Variants in TAFA2 observed in about 807,000 individuals in gnomAD.
The protein encoded by TAFA2 is TAFA chemokine like family member 2.
Under a neutral mutation model 18.8 loss-of-function variants are expected in TAFA2, and 7 were observed. The observed-to-expected ratio is 0.37, with a 90% CI of 0.21 to 0.70. TAFA2 has a LOEUF of 0.70. Among genes scored for constraint, TAFA2 ranks in the 30% least tolerant of loss-of-function variants. TAFA2 has a pLI of 0.53. For missense variants in TAFA2, 122 were observed against 158.1 expected, an observed-to-expected ratio of 0.77 and a Z score of 1.23; for synonymous variants, 60 against 54.2, an observed-to-expected ratio of 1.11 and a Z score of -0.47.
chr12:62,021,825 A>G, intron 1 of TAFA2: 1 of 830,306 alleles, frequency 1.2e-6, no homozygotes, highest in Non-Finnish European at 2.1e-6. Flanking sequence ...TCCGCTGTGG[A>G]TCATCAGGCC....
chr12:62,017,983 G>C (rs2136723978), intron 1 of TAFA2, among the ~76,000 whole-genome samples: 1 of 152,256 alleles, frequency 6.6e-6, no homozygotes, highest in African/African-American at 2.4e-5. Flanking sequence ...TTCCTAGTGA[G>C]ATTTCCCAAG....
At position 61,897,419 on chromosome 12, in the gene TAFA2, G is replaced by C. The variant is rs1358693637; in HGVS notation, c.-1-29993C>G. On this transcript the variant is annotated intron_variant, in intron 1 of 4. Transcript: ENST00000416284. ...CTGCTATAAAGAACTGCCCAAGACT[G>C]AGTAATTTATAAAAAAAAAGAAGTT... Among the ~76,000 whole-genome samples the C allele has an allele frequency of 3.3e-5, 5 of 151,990 alleles. No individual in the cohort carries two copies. The East Asian group carries it at 7.7e-4, about 23-fold the overall frequency.
chr12:61,846,695 T>C (rs912539878), intron 2 of TAFA2, among the ~76,000 whole-genome samples: 8 of 152,216 alleles, frequency 5.3e-5, no homozygotes, highest in Non-Finnish European at 1.2e-4. Flanking sequence ...AACTTAATTC[T>C]TGATTAAACT....
In TAFA2 at chr12:61,753,636, C is replaced by T. The variant is rs1869123502; in HGVS notation, c.370G>A (p.Val124Ile). Reference protein sequence around the residue: ...KGWSCSSGNKVKTTRVTH With the variant: ...KGWSCSSGNKIKTTRVTH ...TGTCCACTTACCCTAGTTGTTTTGA[C>T]TTTATTCCCAGAGGAACAGCTCCAT... Residue 124 changes from valine to isoleucine, a missense_variant, in exon 4 of 5, where the codon GTC becomes ATC. This residue lies in a region of TAFA2 where 60 missense variants were observed against 102.7 expected (regional missense o/e 0.58). Coordinates refer to ENST00000416284, the MANE Select transcript of TAFA2 (RefSeq NM_178539.5). 2 of 1,612,138 alleles carry T rather than the reference C, an allele frequency of 1.2e-6. No individual in the cohort carries two copies. Among genetic ancestry groups the T allele is most frequent in the Non-Finnish European group, 1.7e-6 (2 of 1,178,826 alleles).
chr12:61,823,793 G>A (rs1872420563), intron 2 of TAFA2, among the ~76,000 whole-genome samples: 1 of 152,168 alleles, frequency 6.6e-6, no homozygotes, highest in South Asian at 2.1e-4. Flanking sequence ...GGAGGAGAGT[G>A]CCCATAGAAT....
chr12:61,783,928 A>G (rs1243736434), intron 2 of TAFA2, among the ~76,000 whole-genome samples: 3 of 151,580 alleles, frequency 2.0e-5, no homozygotes, highest in African/African-American at 4.8e-5. Context: ...AGAGAAACAC[A>G]TTGATATTTT....
At chr12:61,859,337 G>C (rs1874020093) in intron 2 of TAFA2, among the ~76,000 whole-genome samples, 1 of 152,192 alleles carries the variant, frequency 6.6e-6, no homozygotes, top group South Asian at 2.1e-4. Context: ...ACTTCCATCT[G>C]CTCCCACCAT....
At chr12:61,887,605 C>T (rs577089072) in intron 1 of TAFA2, among the ~76,000 whole-genome samples, 2 of 123,810 alleles carry the variant, frequency 1.6e-5, no homozygotes, top group African/African-American at 6.2e-5. Context: ...CCACAACAGT[C>T]CCCAGAGTGT....
chr12:62,195,366 C>T (rs1269351012), upstream of TAFA2, among the ~76,000 whole-genome samples: 1 of 152,212 alleles, frequency 6.6e-6, no homozygotes, highest in African/African-American at 2.4e-5. Flanking sequence ...TCCACAGAAG[C>T]AACTCTTCTA....
In TAFA2 at chr12:61,763,891, T is replaced by C. The variant is rs531448711; in HGVS notation, c.107-8867A>G. Among the ~76,000 whole-genome samples, 5 of 152,078 alleles carry C rather than the reference T, an allele frequency of 3.3e-5. No individual in the cohort carries two copies. The South Asian group carries it at 1.0e-3, about 32-fold the overall frequency. ...TTTTTTCTGAATTCCTGAAAACATT[T>C]TCCAGAATATGTTTCAATTGGCCCC... is the stretch of plus-strand genomic sequence containing the variant. On this transcript the variant is annotated intron_variant, in intron 2 of 4. Coordinates refer to ENST00000416284, the MANE Select transcript of TAFA2 (RefSeq NM_178539.5).
intron 1 of TAFA2, among the ~76,000 whole-genome samples, chr12:62,087,047 T>C (rs1055062238): frequency 3.9e-5 from 6 of 152,076 alleles, no homozygotes; most frequent in African/African-American, 1.2e-4. Context: ...AAATGACAAA[T>C]ACCGTATGAT....
intron 1 of TAFA2, among the ~76,000 whole-genome samples, chr12:62,037,560 A>G (rs1230692728): frequency 5.3e-5 from 8 of 152,188 alleles, no homozygotes; most frequent in Non-Finnish European, 4.4e-5. Flanking sequence ...GTAGGCATCA[A>G]AATTATCTGC....
chr12:61,876,534 AC>A (rs1874853702), intron 1 of TAFA2, among the ~76,000 whole-genome samples: 1 of 152,266 alleles, frequency 6.6e-6, no homozygotes, highest in East Asian at 1.9e-4. Context: ...TAACCAGCAA[AC>A]CATTAAAACA....
intron 2 of TAFA2, among the ~76,000 whole-genome samples, chr12:61,852,193 C>T (rs11174200): frequency 2.2e-5 from 3 of 138,922 alleles, no homozygotes; most frequent in East Asian, 2.1e-4. Flanking sequence ...GCAACAAGAG[C>T]GAAACTTCGT....
intron 4 of TAFA2, among the ~76,000 whole-genome samples, chr12:61,727,652 A>G: frequency 6.6e-6 from 1 of 151,740 alleles, no homozygotes; most frequent in Non-Finnish European, 1.5e-5. Flanking sequence ...AATTTTGTTT[A>G]TCTTTTCAAA....
chr12:61,848,036 T>C (rs1402820101), intron 2 of TAFA2, among the ~76,000 whole-genome samples: 2 of 152,242 alleles, frequency 1.3e-5, no homozygotes, highest in Non-Finnish European at 2.9e-5. Context: ...ATTCAATTGA[T>C]GGATTTTCTC....
chr12:62,090,611 C>T (rs12425938), intron 1 of TAFA2, among the ~76,000 whole-genome samples: 28,243 of 151,818 alleles, frequency 0.19, 2,872 homozygotes, highest in East Asian at 0.39. Context: ...ATCTTAGCAC[C>T]AGAGCCTCAA....
chr12:61,931,369 C>T (rs1452908021), intron 1 of TAFA2, among the ~76,000 whole-genome samples: 1 of 152,022 alleles, frequency 6.6e-6, no homozygotes, highest in Non-Finnish European at 1.5e-5. Flanking sequence ...TGTAATATTC[C>T]AATTCAAATA....
At chr12:62,231,223 T>G (rs989594369) in intron 1 of TAFA2, among the ~76,000 whole-genome samples, 1 of 152,232 alleles carries the variant, frequency 6.6e-6, no homozygotes, top group African/African-American at 2.4e-5. Context: ...TTTATATATT[T>G]ATATGTTTGC....
Sources: gnomAD v4.1 joint callset for allele counts (sites outside exome capture counted in the v4.1 genomes callset) on GRCh38, gnomAD v4.1.1 for gene constraint, gnomAD v4.1.1 regional missense constraint, MANE v1.5 for transcripts, NCBI Gene and HGNC (gene_info 2026-07-23, HGNC 2026-07-21) for gene names.